The following FAT1 variants were observed in gnomAD, a reference collection of about 807,000 sequenced individuals.
FAT1 encodes the protein FAT atypical cadherin 1.
FAT1 carries 171 observed loss-of-function variants against 329.8 expected under a neutral mutation model. The observed-to-expected ratio is 0.52, with a 90% CI of 0.46 to 0.59. The LOEUF (loss-of-function observed/expected upper bound fraction) is 0.59, where lower values mean the gene tolerates loss of function less well. FAT1 is among the 20% of genes least tolerant of loss of function. FAT1 has a pLI of 0.00. For missense variants in FAT1, 5,672 were observed against 5,774.4 expected (o/e 0.98, Z 0.57); for synonymous variants, 2,233 against 2,228.6 (o/e 1.00, Z -0.06).
In FAT1 at chr4:186,596,470, C is replaced by T. The variant is rs2126385243; in HGVS notation, c.13000+70G>A. 6.6e-7 allele frequency: 1 copy of T among 1,509,144 alleles called. No homozygotes were observed. The highest frequency in any genetic ancestry group is 1.3e-5 in the South Asian group (1 of 76,984). 93.5% of individuals were successfully genotyped at this position (1,509,144 alleles called of 1,614,324 possible). Reference sequence around the variant, plus strand: ...CTAATGAAGAGTACACACATTTTGACTGGACAGAATTTGTAACCTCACTGT... The same window carrying T: ...CTAATGAAGAGTACACACATTTTGATTGGACAGAATTTGTAACCTCACTGT... On this transcript the variant is annotated intron_variant, in intron 25 of 26. Transcript: ENST00000441802. This position sits in a 1 kb window ranked among gnomAD's most constrained non-coding sequence, Gnocchi z 4.7.
intron 2 of FAT1, among the ~76,000 whole-genome samples, chr4:186,703,702 A>G (rs1313859138): frequency 6.6e-6 from 1 of 152,214 alleles, no homozygotes; most frequent in Admixed American, 6.5e-5. Context: ...GCGAAGTTCC[A>G]GCAAGCACCA....
chr4:186,716,401 A>G (rs1197978307), intron 1 of FAT1, among the ~76,000 whole-genome samples: 5 of 152,152 alleles, frequency 3.3e-5, no homozygotes, highest in Non-Finnish European at 1.5e-5. Context: ...ACATTTTTAA[A>G]GTATTTTTAA....
intron 2 of FAT1, among the ~76,000 whole-genome samples, chr4:186,688,715 G>A (rs1012383091): frequency 7.4e-6 from 1 of 135,020 alleles, no homozygotes; most frequent in African/African-American, 2.8e-5. Context: ...CCAGCAGCCG[G>A]CACAAAATAA....
rs2126699111 is a variant in FAT1, at chr4:186,708,794, G to A, written c.1034C>T (p.Pro345Leu). ...AATGACTTTAACAGAAGAGAACTGG[G>A]GCGGAGTTCCTTTATCTTTAGCCTG... is the stretch of plus-strand genomic sequence containing the variant. ...TLQAKDKGTP[P>L]QFSSVKVIHV... The change falls in exon 2 of 27, where the codon CCC (proline) becomes CTC (leucine). Residue 345 changes from proline to leucine, a missense_variant. By Grantham distance (98) the Pro-to-Leu change is moderately conservative (BLOSUM62 -3). This residue lies in a region of FAT1 where 3,966 missense variants were observed against 3,915.2 expected (regional missense o/e 1.01). Transcript: ENST00000441802. 6.2e-7 allele frequency: 1 copy of A among 1,613,964 alleles called. No homozygotes were observed. The highest frequency in any genetic ancestry group is 8.5e-7 in the Non-Finnish European group (1 of 1,179,884).
chr4:186,625,558 G>A (rs1740261168), intron 9 of FAT1, among the ~76,000 whole-genome samples: 1 of 152,234 alleles, frequency 6.6e-6, no homozygotes, highest in Non-Finnish European at 1.5e-5. Context: ...TAATGCCTAG[G>A]AGAGACAATT....
rs2126353686 is a variant in FAT1 at position 186,588,981 on chromosome 4, C to T, written c.13378G>A (p.Glu4460Lys). 1 of 1,613,998 alleles carries T rather than the reference C, an allele frequency of 6.2e-7. No homozygotes were observed. The highest frequency in any genetic ancestry group is 8.5e-7 in the Non-Finnish European group (1 of 1,179,880). ...PLPPEFSNQF[E>K]SIHPPRDMPA... Reference sequence around the variant, plus strand: ...ATGTCTCTAGGAGGGTGGATGGATTCAAACTGATTGCTGAATTCGGGCGGT... The same window carrying T: ...ATGTCTCTAGGAGGGTGGATGGATTTAAACTGATTGCTGAATTCGGGCGGT... The change falls in exon 27 of 27, where the codon GAA becomes AAA. Residue 4460 changes from glutamate to lysine, a missense_variant. By Grantham distance (56) the Glu-to-Lys change is moderately conservative. Transcript: ENST00000441802.
chr4:186,608,308 CTCTAGATTATAGTACCTAA>C (rs1739238721), intron 16 of FAT1, among the ~76,000 whole-genome samples: 1 of 152,174 alleles, frequency 6.6e-6, no homozygotes, highest in Non-Finnish European at 1.5e-5. Flanking sequence ...TTTAAGTCAT[CTCTAGATTATAGTACCTAA>C]TACAGTATCA....
intron 1 of FAT1, among the ~76,000 whole-genome samples, chr4:186,711,827 G>A (rs1183217409): frequency 6.6e-6 from 1 of 152,164 alleles, no homozygotes; most frequent in Non-Finnish European, 1.5e-5. Context: ...GGCTGAGGCA[G>A]GAGAATCACT....
intron 7 of FAT1, among the ~76,000 whole-genome samples, chr4:186,629,753 T>C (rs1253267905): frequency 2.0e-5 from 3 of 152,210 alleles, no homozygotes; most frequent in African/African-American, 7.2e-5. Context: ...ATATCAAGGA[T>C]GTTTTAGTTA....
intron 3 of FAT1, among the ~76,000 whole-genome samples, chr4:186,645,422 T>C (rs190089380): frequency 1.7e-5 from 1 of 58,000 alleles, no homozygotes; most frequent in South Asian, 5.1e-4. Flanking sequence ...TATATATATA[T>C]GCCTGTAAAA....
In FAT1 at chr4:186,708,933, G is replaced by A. The variant is rs1219340937; in HGVS notation, c.895C>T (p.Leu299Phe). 2 of 1,613,972 alleles carry A rather than the reference G, an allele frequency of 1.2e-6. No individual in the cohort carries two copies. The highest frequency in any genetic ancestry group is 1.7e-6 in the Non-Finnish European group (2 of 1,179,878). ...CTCACTGTTCTAAACTGCTGGAGAA[G>A]GTCACCTGCCACGATGCTTAAAGAT... The part of the protein sequence containing the change: ...IASLSIVAGD[L>F]LQQFRTVRSF... The change falls in exon 2 of 27, where the codon CTT (leucine) becomes TTT (phenylalanine). Residue 299 changes from leucine (L) to phenylalanine (F), a missense_variant. This residue lies in a region of FAT1 where 3,966 missense variants were observed against 3,915.2 expected (regional missense o/e 1.01). Transcript: ENST00000441802.
At chr4:186,642,688 C>T (rs1417847946) in intron 3 of FAT1, among the ~76,000 whole-genome samples, 1 of 152,202 alleles carries the variant, frequency 6.6e-6, no homozygotes, top group African/African-American at 2.4e-5. Flanking sequence ...GGGCTGGCGG[C>T]ACCCTGCGGG....
chr4:186,697,970 C>T (rs1744118755), intron 2 of FAT1, among the ~76,000 whole-genome samples: 1 of 152,202 alleles, frequency 6.6e-6, no homozygotes, highest in Non-Finnish European at 1.5e-5. Context: ...ATACAGCTTT[C>T]CACAGATTCT....
At chr4:186,652,528 CTTATT>C (rs1189348056) in intron 3 of FAT1, among the ~76,000 whole-genome samples, 1 of 152,112 alleles carries the variant, frequency 6.6e-6, no homozygotes, top group Admixed American at 6.5e-5. Context: ...ATATACTTCA[CTTATT>C]TTATAAAATA....
chr4:186,717,397 T>G (rs192696912), intron 1 of FAT1, among the ~76,000 whole-genome samples: 1 of 152,332 alleles, frequency 6.6e-6, no homozygotes, highest in East Asian at 1.9e-4. Context: ...TAACTCCATT[T>G]ATATGTTGTT....
At chr4:186,628,800 CA>C (rs1740450255) in intron 7 of FAT1, 37 bp from the exon 8 acceptor site, 1 of 1,578,348 alleles carries the variant, frequency 6.3e-7, no homozygotes, top group Non-Finnish European at 8.6e-7. Flanking sequence ...ACAATATTTC[CA>C]ATTATGAATG....
chr4:186,707,982 T>G lies in FAT1; in HGVS notation c.1846A>C (p.Ser616Arg). 6.2e-7 allele frequency: 1 copy of G among 1,613,934 alleles called. No individual in the cohort carries two copies. Among genetic ancestry groups the G allele is most frequent in the South Asian group, 1.1e-5 (1 of 91,078 alleles). Residue 616 changes from serine to arginine, a missense_variant, in exon 2 of 27, where the codon AGT becomes CGT. By Grantham distance (110) the Ser-to-Arg change is moderately radical (BLOSUM62 -1). This residue lies in a region of FAT1 where 3,966 missense variants were observed against 3,915.2 expected (regional missense o/e 1.01). Transcript: ENST00000441802. ...AATACCCCCGAGTTGGGGTTTAAACTAAAGAAATCCAGTTCATTTCCAGCT... is the reference window on the plus strand; with the variant it reads ...AATACCCCCGAGTTGGGGTTTAAACGAAAGAAATCCAGTTCATTTCCAGCT... ...IEAGNELDFFSLNPNSGVLSL... is the reference protein window; with the variant it reads ...IEAGNELDFFRLNPNSGVLSL...
intron 2 of FAT1, among the ~76,000 whole-genome samples, chr4:186,671,926 G>A (rs748176519): frequency 4.6e-5 from 7 of 152,046 alleles, no homozygotes; most frequent in Non-Finnish European, 8.8e-5. Context: ...GAAAAAGGAG[G>A]AGTCTATTGG....
intron 3 of FAT1, among the ~76,000 whole-genome samples, chr4:186,645,368 T>C (rs1207574385): frequency 1.3e-3 from 2 of 1,570 alleles, no homozygotes; most frequent in African/African-American, 7.8e-3. Flanking sequence ...CTTCATTACA[T>C]ATATATATAT....
Sources: allele counts gnomAD v4.1 joint callset (sites outside exome capture counted in the v4.1 genomes callset), GRCh38; gene constraint gnomAD v4.1.1; regional missense constraint gnomAD v4.1.1; non-coding constraint Gnocchi (gnomAD v3.1); transcripts MANE v1.5; gene names NCBI Gene and HGNC (gene_info 2026-07-23, HGNC 2026-07-21).